Variants in CADM1 observed in about 807,000 individuals in gnomAD.
CADM1 encodes cell adhesion molecule 1.
In CADM1, 15 loss-of-function variants were observed where a neutral mutation model predicts 53.1. That is an observed-to-expected ratio of 0.28 (90% CI 0.19 to 0.44). The LOEUF (loss-of-function observed/expected upper bound fraction) is 0.44, where lower values mean the gene tolerates loss of function less well. Among genes scored for constraint, CADM1 ranks in the 20% least tolerant of loss-of-function variants. The pLI, the probability that CADM1 is intolerant of heterozygous loss-of-function variation, is 1.00. For synonymous variants in CADM1, 281 were observed against 243.0 expected (o/e 1.16, Z -1.45); for missense variants, 434 against 611.3 (o/e 0.71, Z 3.06).
intron 1 of CADM1, among the ~76,000 whole-genome samples, 194 bp from the exon 2 acceptor site, chr11:115,240,614 A>C (rs146910806): frequency 6.6e-6 from 1 of 152,150 alleles, no homozygotes; most frequent in Non-Finnish European, 1.5e-5. Flanking sequence ...GACAAAATAC[A>C]ACTAAGCCTG....
intron 1 of CADM1, among the ~76,000 whole-genome samples, chr11:115,266,630 G>C (rs192871059): frequency 6.6e-6 from 1 of 152,192 alleles, no homozygotes; most frequent in Non-Finnish European, 1.5e-5. Flanking sequence ...AGCCACATGA[G>C]TATAAGCATT....
At chr11:115,256,993 T>C (rs1942810813) in intron 1 of CADM1, 1 of 424,798 alleles carries the variant, frequency 2.4e-6, no homozygotes, top group East Asian at 7.2e-5. Flanking sequence ...ATTTAGAGTG[T>C]GAATTACGTA....
At chr11:115,406,529 C>T (rs1565411361) in intron 1 of CADM1, among the ~76,000 whole-genome samples, 1 of 147,776 alleles carries the variant, frequency 6.8e-6, no homozygotes, top group Non-Finnish European at 1.5e-5. Context: ...TATATTTATA[C>T]ATTATAATTA....
At chr11:115,243,240 T>C (rs1166675542) in intron 1 of CADM1, among the ~76,000 whole-genome samples, 1 of 152,236 alleles carries the variant, frequency 6.6e-6, no homozygotes, top group Non-Finnish European at 1.5e-5. Context: ...GGTGGTATCA[T>C]CATCATGACT....
intron 11 of CADM1, among the ~76,000 whole-genome samples, chr11:115,178,108 CTGA>C (rs1439234881): frequency 2.0e-5 from 3 of 152,288 alleles, no homozygotes; most frequent in Admixed American, 1.3e-4. Context: ...ATCAATTGCA[CTGA>C]TAATTTTAAA....
intron 1 of CADM1, among the ~76,000 whole-genome samples, chr11:115,291,076 G>T: frequency 6.6e-6 from 1 of 152,160 alleles, no homozygotes; most frequent in African/African-American, 2.4e-5. Flanking sequence ...TAGCAACATA[G>T]GAAGCTCTTT....
At chr11:115,212,172 T>A (rs776353618) in intron 7 of CADM1, among the ~76,000 whole-genome samples, 2 of 151,524 alleles carry the variant, frequency 1.3e-5, no homozygotes, top group Admixed American at 1.3e-4. Flanking sequence ...ATGTAGAGGC[T>A]AAAAGAATAA....
At chr11:115,325,824 C>T (rs1422518367) in intron 1 of CADM1, among the ~76,000 whole-genome samples, 1 of 152,164 alleles carries the variant, frequency 6.6e-6, no homozygotes, top group African/African-American at 2.4e-5. Context: ...AGAGGTAAAC[C>T]TCTTTTTAAT....
intron 1 of CADM1, among the ~76,000 whole-genome samples, chr11:115,337,996 C>G (rs761967045): frequency 6.6e-6 from 1 of 152,060 alleles, no homozygotes; most frequent in Non-Finnish European, 1.5e-5. Context: ...CTGGTTGGCC[C>G]TAAGTGGGTA....
At chr11:115,327,164 T>C (rs999119948) in intron 1 of CADM1, among the ~76,000 whole-genome samples, 3 of 152,192 alleles carry the variant, frequency 2.0e-5, no homozygotes, top group African/African-American at 7.2e-5. Flanking sequence ...CCTTTACATA[T>C]ACGCTATCAT....
chr11:115,491,139 T>C (rs764633953), intron 1 of CADM1, among the ~76,000 whole-genome samples: 17 of 152,132 alleles, frequency 1.1e-4, no homozygotes, highest in African/African-American at 3.4e-4. Flanking sequence ...TGCCAACTTA[T>C]TGGATAAGGA....
At position 115,382,799 on chromosome 11, in the gene CADM1, G is replaced by A. The variant is rs186431850; in HGVS notation, c.124+121472C>T. On this transcript the variant is annotated intron_variant, in intron 1 of 11. Transcript: ENST00000331581. ...ACTTAAAACTGTAAGATCCAGGAACGCTAAATAGTTTTAGACTTCAGCAAG... is the reference window on the plus strand; with the variant it reads ...ACTTAAAACTGTAAGATCCAGGAACACTAAATAGTTTTAGACTTCAGCAAG... Among the ~76,000 whole-genome samples, 9 of 152,264 alleles carry A rather than the reference G, an allele frequency of 5.9e-5. No homozygotes were observed. In the East Asian group the frequency reaches 1.4e-3, roughly 23 times the overall value.
Position 115,176,326 on chromosome 11 carries a change from TACACAGC to T in CADM1, c.*141_*147del. Reference sequence around the variant, plus strand: ...TTCCAAAGAACATTTTTTTTTTTTTTACACAGCAAATCCCAAGCCTTCCCAGTCTCAC... The same window carrying T: ...TTCCAAAGAACATTTTTTTTTTTTTTAAATCCCAAGCCTTCCCAGTCTCAC... On this transcript the variant is annotated 3_prime_UTR_variant, in exon 12 of 12. Coordinates refer to ENST00000331581, the MANE Select transcript of CADM1 (RefSeq NM_001301043.2). The T allele has an allele frequency of 2.0e-6, 3 of 1,519,806 alleles. No individual in the cohort carries two copies. Among genetic ancestry groups the T allele is most frequent in the Admixed American group, 2.0e-5 (1 of 49,428 alleles). The allele number at this position is 1,519,806 out of a possible 1,614,324, so 94.1% of individuals were successfully genotyped here.
intron 1 of CADM1, among the ~76,000 whole-genome samples, chr11:115,467,518 C>T (rs1357646843): frequency 6.6e-6 from 1 of 152,204 alleles, no homozygotes; most frequent in Admixed American, 6.5e-5. Context: ...AACTATGAAG[C>T]TGTTCAATTT....
intron 1 of CADM1, among the ~76,000 whole-genome samples, chr11:115,494,067 A>G (rs186373967): frequency 6.6e-6 from 1 of 152,170 alleles, no homozygotes; most frequent in African/African-American, 2.4e-5. Context: ...TGAAGTATTC[A>G]TCATGATGCA....
At chr11:115,354,028 C>G (rs1271990058) in intron 1 of CADM1, among the ~76,000 whole-genome samples, 4 of 152,274 alleles carry the variant, frequency 2.6e-5, no homozygotes, top group African/African-American at 9.6e-5. Flanking sequence ...TAGTGTCCAG[C>G]ACACAGTACA....
chr11:115,242,655 A>C (rs1275105362), intron 1 of CADM1, among the ~76,000 whole-genome samples: 1 of 152,210 alleles, frequency 6.6e-6, no homozygotes, highest in Non-Finnish European at 1.5e-5. Flanking sequence ...GTAGACAAGA[A>C]TACCAAACAC....
chr11:115,444,313 C>T (rs1948397728), intron 1 of CADM1, among the ~76,000 whole-genome samples: 1 of 152,060 alleles, frequency 6.6e-6, no homozygotes, highest in Non-Finnish European at 1.5e-5. Flanking sequence ...GGTTAGCTGC[C>T]AGAAAAATGA....
chr11:115,248,649 T>C (rs1354096288), intron 1 of CADM1, among the ~76,000 whole-genome samples: 1 of 152,254 alleles, frequency 6.6e-6, no homozygotes, highest in Non-Finnish European at 1.5e-5. Context: ...CTGAGACTTT[T>C]TTCTCTCACT....
Sources: gnomAD v4.1 joint callset for allele counts (sites outside exome capture counted in the v4.1 genomes callset) on GRCh38, gnomAD v4.1.1 for gene constraint, MANE v1.5 for transcripts, NCBI Gene and HGNC (gene_info 2026-07-23, HGNC 2026-07-21) for gene names.